The following POC1A variants were observed in gnomAD, a reference collection of about 807,000 sequenced individuals.
POC1A encodes the protein POC1 centriolar protein A.
Under a neutral mutation model 47.8 loss-of-function variants are expected in POC1A, and 34 were observed. The observed-to-expected ratio is 0.71, with a 90% CI of 0.54 to 0.95. The LOEUF is 0.95. POC1A is among the 40% of genes least tolerant of loss of function. The pLI is 0.00. For synonymous variants in POC1A, 177 were observed against 207.6 expected, an observed-to-expected ratio of 0.85 and a Z score of 1.27; for missense variants, 466 against 528.3, an observed-to-expected ratio of 0.88 and a Z score of 1.16.
intron 10 of POC1A, among the ~76,000 whole-genome samples, chr3:52,094,643 G>A (rs1334651654): frequency 6.6e-6 from 1 of 152,260 alleles, no homozygotes; most frequent in Non-Finnish European, 1.5e-5. Flanking sequence ...TTCATCTGCA[G>A]AACTCAAGTT....
At position 52,145,962 on chromosome 3, in the gene POC1A, C is replaced by T. The variant is rs764908855; in HGVS notation, c.564-1G>A. The stretch of plus-strand genomic sequence containing the variant: ...GTGGAAGTCCACATAGGTGACAAAG[C>T]TGGAAAGACAGGGGCCACTATGCAC... On this transcript the variant is annotated splice_acceptor_variant, in intron 5 of 10. Transcript: ENST00000296484. LOFTEE classifies it high-confidence loss of function. 2 of 1,598,116 alleles carry T rather than the reference C, an allele frequency of 1.3e-6. No individual in the cohort carries two copies. The highest frequency in any genetic ancestry group is 1.7e-6 in the Non-Finnish European group (2 of 1,165,758).
At chr3:52,077,034 T>C (rs1702136466) in intron 10 of POC1A, among the ~76,000 whole-genome samples, 1 of 152,268 alleles carries the variant, frequency 6.6e-6, no homozygotes, top group South Asian at 2.1e-4. Context: ...AGAGCAAGCC[T>C]GCCCCACTCA....
chr3:52,152,398 C>T (rs1484146987), intron 1 of POC1A, among the ~76,000 whole-genome samples: 2 of 152,016 alleles, frequency 1.3e-5, no homozygotes, highest in Non-Finnish European at 2.9e-5. Context: ...GGTGAAAACC[C>T]CTCTCTACTA....
chr3:52,134,494 T>C (rs181661113), intron 7 of POC1A, among the ~76,000 whole-genome samples: 31 of 151,972 alleles, frequency 2.0e-4, no homozygotes, highest in South Asian at 6.3e-4. Flanking sequence ...TAGCCGGGTG[T>C]GGTGGCGGGT....
At chr3:52,143,392 G>A (rs947366922) in intron 6 of POC1A, among the ~76,000 whole-genome samples, 4 of 151,870 alleles carry the variant, frequency 2.6e-5, no homozygotes, top group South Asian at 4.1e-4. Flanking sequence ...CGCTCTCCTC[G>A]GCTGCTCTGC....
chr3:52,151,041 G>C lies in POC1A; in HGVS notation c.78C>G (p.Asp26Glu). 6.2e-7 allele frequency: 1 copy of C among 1,613,718 alleles called. No individual in the cohort carries two copies. Among genetic ancestry groups the C allele is most frequent in the Non-Finnish European group, 8.5e-7 (1 of 1,179,862 alleles). The part of the protein sequence containing the change: ...KGHRDAVTCV[D>E]FSINTKQLAS... ...CCAGCTGCTTTGTGTTGATACTGAA[G>C]TCCACACAGGTAACTGCATCTCGGT... Residue 26 changes from aspartate (D) to glutamate (E), a missense_variant, in exon 2 of 11, where the codon GAC becomes GAG. By Grantham distance (45) the Asp-to-Glu change is conservative. Coordinates refer to ENST00000296484, the MANE Select transcript of POC1A (RefSeq NM_015426.5).
At position 52,125,201 on chromosome 3, in the gene POC1A, A is replaced by G. The variant is rs1703950945; in HGVS notation, c.814-20T>C. 6.3e-7 allele frequency: 1 copy of G among 1,590,200 alleles called. No individual in the cohort carries two copies. Among genetic ancestry groups the G allele is most frequent in the East Asian group, 2.2e-5 (1 of 44,768 alleles). On this transcript the variant is annotated intron_variant, in intron 7 of 10. Coordinates refer to ENST00000296484, the MANE Select transcript of POC1A (RefSeq NM_015426.5). Reference sequence around the variant, plus strand: ...TGGTCCCTGGCAGAACAAACAAAAAATAACACACATCAAAGGTCATTCTCC... The same window carrying G: ...TGGTCCCTGGCAGAACAAACAAAAAGTAACACACATCAAAGGTCATTCTCC...
At chr3:52,083,160 G>A (rs975987683) in intron 10 of POC1A, among the ~76,000 whole-genome samples, 1 of 152,162 alleles carries the variant, frequency 6.6e-6, no homozygotes, top group Non-Finnish European at 1.5e-5. Context: ...CATCACGAGA[G>A]TTCAGAGAGG....
Position 52,147,086 on chromosome 3 carries a change from G to A in POC1A, c.465C>T (p.Pro155=), listed in dbSNP as rs375164245. The change falls in exon 5 of 11, where the codon CCC becomes CCT. Residue 155 remains proline, a synonymous_variant. Coordinates refer to ENST00000296484, the MANE Select transcript of POC1A (RefSeq NM_015426.5). ...TGGCAGACACGATGAGCCGCCCGTC[G>A]GGGGAGAACCTGAACCGGGTGGGGC... ...INWVRCAKFS[P]DGRLIVSASD... 3.7e-5 allele frequency: 60 copies of A among 1,613,526 alleles called. No homozygotes were observed. Among genetic ancestry groups the A allele is most frequent in the South Asian group, 1.5e-4 (14 of 91,068 alleles).
intron 10 of POC1A, among the ~76,000 whole-genome samples, chr3:52,093,861 AC>A (rs773438034): frequency 1.3e-5 from 2 of 152,218 alleles, no homozygotes; most frequent in Non-Finnish European, 2.9e-5. Flanking sequence ...ATGGGGCCAT[AC>A]CAGCCTGTTG....
intron 7 of POC1A, among the ~76,000 whole-genome samples, chr3:52,136,780 A>C (rs1204380187): frequency 1.3e-5 from 2 of 152,228 alleles, no homozygotes; most frequent in Non-Finnish European, 2.9e-5. Context: ...GCTTTCGTTT[A>C]TGTGCCAGAT....
At chr3:52,151,446 AT>A (rs1698552456) in intron 1 of POC1A, among the ~76,000 whole-genome samples, 3 of 152,172 alleles carry the variant, frequency 2.0e-5, no homozygotes. Context: ...CATAAAAAAA[AT>A]AGCAATATTT....
intron 6 of POC1A, among the ~76,000 whole-genome samples, chr3:52,144,144 G>C (rs1291194769): frequency 6.6e-6 from 1 of 152,170 alleles, no homozygotes; most frequent in Non-Finnish European, 1.5e-5. Context: ...CACAGCATGT[G>C]CTCCTGACCA....
chr3:52,076,036 C>T, intron 10 of POC1A, 51 bp from the exon 11 acceptor site: 1 of 1,422,510 alleles, frequency 7.0e-7, no homozygotes, highest in South Asian at 1.1e-5. Context: ...CGCCAGGCTG[C>T]TCTAGGGACC....
chr3:52,144,597 C>T (rs1458484395), intron 6 of POC1A, among the ~76,000 whole-genome samples: 1 of 152,174 alleles, frequency 6.6e-6, no homozygotes, highest in Non-Finnish European at 1.5e-5. Context: ...GCCAGCCACC[C>T]TCTCAATTCT....
intron 6 of POC1A, among the ~76,000 whole-genome samples, chr3:52,144,949 G>A (rs184577672): frequency 9.4e-4 from 143 of 152,332 alleles, no homozygotes; most frequent in Middle Eastern, 3.4e-3. Context: ...GCTTAAGGAA[G>A]CGAGCCCAAG....
intron 9 of POC1A, among the ~76,000 whole-genome samples, chr3:52,109,041 C>T (rs1221397122): frequency 6.6e-6 from 1 of 152,186 alleles, no homozygotes; most frequent in African/African-American, 2.4e-5. Flanking sequence ...GCGCCCCCTT[C>T]CCCAAGCCCA....
Position 52,149,843 on chromosome 3 carries a change from TTG to T in POC1A, c.246_247del (p.Asp82GlufsTer13). On this transcript the variant is annotated frameshift_variant, in exon 3 of 11. Coordinates refer to ENST00000296484, the MANE Select transcript of POC1A (RefSeq NM_015426.5). LOFTEE classifies it high-confidence loss of function. Reference sequence around the variant, plus strand: ...ATTGGGTACCCAGATGCGGACAGTCTTGTCTCGGGAGCCGGAAGCAAGCAGGT... The same window carrying T: ...ATTGGGTACCCAGATGCGGACAGTCTTCTCGGGAGCCGGAAGCAAGCAGGT... The T allele has an allele frequency of 6.2e-7, 1 of 1,613,758 alleles. No homozygotes were observed. The highest frequency in any genetic ancestry group is 2.2e-5 in the East Asian group (1 of 44,866).
chr3:52,133,045 C>CA lies in POC1A; in HGVS notation c.813+5123dup, dbSNP rs879445969. 2.0e-3 allele frequency among the ~76,000 whole-genome samples: 273 copies of CA among 135,966 alleles called. 2 individuals carry two copies. The highest frequency in any genetic ancestry group is 2.3e-3 in the Non-Finnish European group (146 of 62,564). The allele number at this position is 135,966 out of a possible 152,430, so 89.2% of individuals were successfully genotyped here. ...TGGGCAACAGAGTGAGACTCCATCT[C>CA]AAAAAAAAAAAAGAAAGAAAGAAAT... On this transcript the variant is annotated intron_variant, in intron 7 of 10. Transcript: ENST00000296484.
Sources: allele counts gnomAD v4.1 joint callset (sites outside exome capture counted in the v4.1 genomes callset), GRCh38; gene constraint gnomAD v4.1.1; transcripts MANE v1.5; gene names NCBI Gene and HGNC (gene_info 2026-07-23, HGNC 2026-07-21).